The following RCAN2 variants were observed in gnomAD, a reference collection of about 807,000 sequenced individuals.
RCAN2 encodes calcipressin-2.
A neutral mutation model predicts 23.6 loss-of-function variants in RCAN2; 9 were observed. The observed-to-expected ratio is 0.38, with a 90% CI of 0.23 to 0.67. RCAN2 has a LOEUF of 0.67. Among genes scored for constraint, RCAN2 ranks in the 30% least tolerant of loss-of-function variants. RCAN2 has a pLI of 0.51. For missense variants in RCAN2, 273 were observed against 302.3 expected, an observed-to-expected ratio of 0.90 and a Z score of 0.72; for synonymous variants, 109 against 115.7, an observed-to-expected ratio of 0.94 and a Z score of 0.37.
chr6:46,351,976 A>G (rs1764661020), intron 2 of RCAN2, among the ~76,000 whole-genome samples: 1 of 152,206 alleles, frequency 6.6e-6, no homozygotes, highest in South Asian at 2.1e-4. Flanking sequence ...CCTTCCATTA[A>G]GATGTAAATC....
At chr6:46,283,070 T>C (rs956127292) in intron 2 of RCAN2, among the ~76,000 whole-genome samples, 1 of 152,188 alleles carries the variant, frequency 6.6e-6, no homozygotes, top group African/African-American at 2.4e-5. Flanking sequence ...GACTGAATGA[T>C]GGAGAAATCC....
intron 2 of RCAN2, among the ~76,000 whole-genome samples, chr6:46,377,586 G>C (rs947649804): frequency 6.6e-6 from 1 of 152,222 alleles, no homozygotes; most frequent in Non-Finnish European, 1.5e-5. Flanking sequence ...TAACAGAAGA[G>C]ATTGCCTGTT....
At chr6:46,476,475 T>C (rs1768715774) in intron 1 of RCAN2, among the ~76,000 whole-genome samples, 1 of 152,238 alleles carries the variant, frequency 6.6e-6, no homozygotes, top group Non-Finnish European at 1.5e-5. Flanking sequence ...GCAAGATGCT[T>C]AGTCATGAAG....
intron 2 of RCAN2, among the ~76,000 whole-genome samples, chr6:46,378,250 G>A (rs1765533777): frequency 6.6e-6 from 1 of 152,098 alleles, no homozygotes; most frequent in African/African-American, 2.4e-5. Context: ...GGATAAATAC[G>A]AGAAAGAAAA....
intron 2 of RCAN2, among the ~76,000 whole-genome samples, chr6:46,393,233 T>C (rs1765984296): frequency 6.6e-6 from 1 of 152,178 alleles, no homozygotes; most frequent in South Asian, 2.1e-4. Flanking sequence ...TACTTTTGTG[T>C]GTAGTTTTGG....
chr6:46,240,034 C>T (rs1176772880), intron 4 of RCAN2, among the ~76,000 whole-genome samples: 1 of 152,116 alleles, frequency 6.6e-6, no homozygotes, highest in Non-Finnish European at 1.5e-5. Context: ...AGTAAAGGGG[C>T]TCCTCCACAT....
At chr6:46,235,857 G>A (rs1766075490) in intron 4 of RCAN2, among the ~76,000 whole-genome samples, 1 of 152,154 alleles carries the variant, frequency 6.6e-6, no homozygotes, top group African/African-American at 2.4e-5. Context: ...TAACTTCCGT[G>A]CCAGAATAAG....
At chr6:46,356,555 T>G (rs1764837244) in intron 2 of RCAN2, among the ~76,000 whole-genome samples, 1 of 152,162 alleles carries the variant, frequency 6.6e-6, no homozygotes, top group African/African-American at 2.4e-5. Flanking sequence ...ATCACTCCTT[T>G]CAGATATGGA....
intron 2 of RCAN2, among the ~76,000 whole-genome samples, chr6:46,419,509 A>G (rs981501842): frequency 3.9e-5 from 6 of 152,236 alleles, no homozygotes; most frequent in Non-Finnish European, 8.8e-5. Context: ...GTACATGTTA[A>G]TATGAGAAAG....
intron 2 of RCAN2, among the ~76,000 whole-genome samples, chr6:46,337,240 T>C (rs569128277): frequency 3.3e-5 from 5 of 152,332 alleles, no homozygotes; most frequent in African/African-American, 1.2e-4. Context: ...CTCGTTTTTA[T>C]TGGCACTAAT....
rs756626742 is a variant in RCAN2, at chr6:46,279,297, G to C, written c.226-30401C>G. ...ACATTTGTGGGTACATTAGCAACCAGGCAATACCAAGAGTGCCCAATTGTC... is the reference window on the plus strand; with the variant it reads ...ACATTTGTGGGTACATTAGCAACCACGCAATACCAAGAGTGCCCAATTGTC... On this transcript the variant is annotated intron_variant, in intron 2 of 4. Coordinates refer to ENST00000371374, the MANE Select transcript of RCAN2 (RefSeq NM_001251974.2). Among the ~76,000 whole-genome samples, 99 of 152,008 alleles carry C rather than the reference G, an allele frequency of 6.5e-4. 1 individual carries two copies. Among genetic ancestry groups the C allele is most frequent in the Non-Finnish European group, 6.0e-4 (41 of 68,026 alleles).
intron 1 of RCAN2, among the ~76,000 whole-genome samples, chr6:46,468,205 A>C (rs1768448455): frequency 6.6e-6 from 1 of 152,182 alleles, no homozygotes; most frequent in Admixed American, 6.5e-5. Flanking sequence ...TAATTGTTTT[A>C]CTTTCCAAGA....
chr6:46,420,354 A>G (rs763520799), intron 2 of RCAN2, among the ~76,000 whole-genome samples: 1 of 152,116 alleles, frequency 6.6e-6, no homozygotes, highest in Non-Finnish European at 1.5e-5. Context: ...GTGGTTCTGT[A>G]TCTATATAGC....
At chr6:46,345,976 T>C (rs1764470569) in intron 2 of RCAN2, among the ~76,000 whole-genome samples, 1 of 152,142 alleles carries the variant, frequency 6.6e-6, no homozygotes, top group Admixed American at 6.5e-5. Flanking sequence ...AATATAAATA[T>C]AAACAAAAGC....
intron 2 of RCAN2, among the ~76,000 whole-genome samples, chr6:46,319,125 G>A (rs1763532317): frequency 6.6e-6 from 1 of 152,202 alleles, no homozygotes. Context: ...GAGTTGGATA[G>A]TTTATGATCT....
intron 2 of RCAN2, among the ~76,000 whole-genome samples, chr6:46,447,920 C>T (rs753578947): frequency 6.6e-6 from 1 of 151,290 alleles, no homozygotes; most frequent in Non-Finnish European, 1.5e-5. Flanking sequence ...AACATAACAT[C>T]ATACCACAAG....
chr6:46,315,903 TTTGGAAGAGA>T (rs1156987364), intron 2 of RCAN2, among the ~76,000 whole-genome samples: 2 of 9,976 alleles, frequency 2.0e-4, no homozygotes, highest in East Asian at 4.2e-3. Context: ...TTTGGAAGAG[TTTGGAAGAGA>T]CAAGAAAAGA....
At chr6:46,337,200 T>C (rs1352167236) in intron 2 of RCAN2, among the ~76,000 whole-genome samples, 1 of 152,064 alleles carries the variant, frequency 6.6e-6, no homozygotes, top group Non-Finnish European at 1.5e-5. Flanking sequence ...GGATAAAAAA[T>C]GAGATTACTT....
intron 1 of RCAN2, among the ~76,000 whole-genome samples, chr6:46,458,746 T>C (rs1768121055): frequency 6.6e-6 from 1 of 152,230 alleles, no homozygotes; most frequent in African/African-American, 2.4e-5. Flanking sequence ...TTCATATTTA[T>C]TTATACTGTT....
Sources: allele counts gnomAD v4.1 joint callset (sites outside exome capture counted in the v4.1 genomes callset), GRCh38; gene constraint gnomAD v4.1.1; transcripts MANE v1.5; gene names NCBI Gene and HGNC (gene_info 2026-07-23, HGNC 2026-07-21).